The following THRB variants were observed in gnomAD, a reference collection of about 807,000 sequenced individuals.
The protein encoded by THRB is nuclear receptor subfamily 1 group A member 2.
A neutral mutation model predicts 47.8 loss-of-function variants in THRB; 12 were observed. That is an observed-to-expected ratio of 0.25 (90% CI 0.16 to 0.41). THRB has a LOEUF of 0.41. Among genes scored for constraint, THRB ranks in the 10% least tolerant of loss-of-function variants. THRB has a pLI of 1.00. For synonymous variants in THRB, 218 were observed against 212.2 expected (o/e 1.03, Z -0.24); for missense variants, 348 against 589.2 (o/e 0.59, Z 4.24).
At chr3:24,356,539 G>A (rs997466657) in intron 1 of THRB, among the ~76,000 whole-genome samples, 3 of 152,138 alleles carry the variant, frequency 2.0e-5, no homozygotes, top group East Asian at 1.9e-4. Flanking sequence ...AACTGGCAGT[G>A]TCTTTGCTAA....
intron 1 of THRB, among the ~76,000 whole-genome samples, chr3:24,473,932 A>T (rs1288970322): frequency 6.6e-6 from 1 of 152,186 alleles, no homozygotes; most frequent in Non-Finnish European, 1.5e-5. Context: ...GGAGGGGAAC[A>T]TCATACACTG....
chr3:24,422,749 T>A (rs2069388586), intron 1 of THRB, among the ~76,000 whole-genome samples: 1 of 151,800 alleles, frequency 6.6e-6, no homozygotes, highest in African/African-American at 2.4e-5. Flanking sequence ...ATCAACCTCC[T>A]CCAGAATCCA....
intron 9 of THRB, among the ~76,000 whole-genome samples, chr3:24,133,041 TG>T (rs2034112539): frequency 1.3e-5 from 2 of 152,266 alleles, no homozygotes; most frequent in African/African-American, 4.8e-5. Context: ...GCAGAATAAA[TG>T]GAATCTATTG....
intron 1 of THRB, among the ~76,000 whole-genome samples, chr3:24,401,306 A>G (rs2067381074): frequency 6.6e-6 from 1 of 152,082 alleles, no homozygotes; most frequent in Admixed American, 6.6e-5. Context: ...AGGAAAAGAA[A>G]CAGCTTTTTC....
intron 1 of THRB, among the ~76,000 whole-genome samples, chr3:24,358,080 C>G (rs62255388): frequency 0.012 from 1,753 of 152,202 alleles, 7 homozygotes; most frequent in Non-Finnish European, 0.018. Flanking sequence ...TGACTGGTTC[C>G]TGGTAGATGT....
At chr3:24,463,739 A>C (rs577270551) in intron 1 of THRB, among the ~76,000 whole-genome samples, 11 of 152,344 alleles carry the variant, frequency 7.2e-5, no homozygotes, top group Non-Finnish European at 1.6e-4. Context: ...ATGGTAGACA[A>C]ACTATTTCCC....
At position 24,190,282 on chromosome 3, in the gene THRB, G is replaced by T. The variant is rs760778175; in HGVS notation, c.75C>A (p.His25Gln). The T allele has an allele frequency of 1.2e-6, 2 of 1,614,026 alleles. No homozygotes were observed. Among genetic ancestry groups the T allele is most frequent in the South Asian group, 2.2e-5 (2 of 91,076 alleles). Residue 25 changes from histidine to glutamine, a missense_variant, in exon 5 of 11, where the codon CAC becomes CAA. Physicochemically the swap from His to Gln is conservative, Grantham distance 24. Coordinates refer to ENST00000646209, the MANE Select transcript of THRB (RefSeq NM_001354712.2). The part of the protein sequence containing the change: ...DKPKHCPDRE[H>Q]DWKLVGMSEA... ...CAGACATTCCTACTAGCTTCCAGTC[G>T]TGTTCTCGGTCTGGACAGTGCTTCG...
chr3:24,202,995 G>C (rs141718104), intron 4 of THRB, among the ~76,000 whole-genome samples: 39 of 152,308 alleles, frequency 2.6e-4, no homozygotes, highest in Admixed American at 6.5e-4. Context: ...GGGAACTCTT[G>C]TAATTACTAT....
intron 1 of THRB, among the ~76,000 whole-genome samples, chr3:24,409,002 C>A (rs1004741719): frequency 2.0e-5 from 3 of 151,668 alleles, no homozygotes; most frequent in African/African-American, 7.3e-5. Flanking sequence ...GTATTTCATT[C>A]TTATGGTTTA....
intron 1 of THRB, among the ~76,000 whole-genome samples, chr3:24,358,419 G>C (rs1311809176): frequency 6.6e-6 from 1 of 152,028 alleles, no homozygotes; most frequent in African/African-American, 2.4e-5. Flanking sequence ...TTTTATGTTG[G>C]AGTCTTTGAT....
chr3:24,171,486 C>T (rs577641302), intron 5 of THRB, among the ~76,000 whole-genome samples: 127 of 152,264 alleles, frequency 8.3e-4, no homozygotes, highest in African/African-American at 2.9e-3. Flanking sequence ...AACTTCTGAG[C>T]TATGCATTCC....
intron 3 of THRB, among the ~76,000 whole-genome samples, chr3:24,294,963 G>T (rs1349402432): frequency 2.6e-5 from 4 of 152,196 alleles, no homozygotes; most frequent in African/African-American, 7.2e-5. Flanking sequence ...TCACTGAAAT[G>T]TAAGAAATCA....
rs375849592 is a variant in THRB at position 24,313,246 on chromosome 3, G to A, written c.-188-15875C>T. 2.8e-4 allele frequency among the ~76,000 whole-genome samples: 43 copies of A among 152,162 alleles called. 1 individual carries two copies. The South Asian group carries it at 7.7e-3, about 27-fold the overall frequency. ...CTTCTCTCTTTCCTCTCAACCACTC[G>A]GGAAATCATTGTCTGCACCACTCAT... On this transcript the variant is annotated intron_variant, in intron 2 of 10. Coordinates refer to ENST00000646209, the MANE Select transcript of THRB (RefSeq NM_001354712.2).
At chr3:24,220,100 T>G (rs891000645) in intron 4 of THRB, among the ~76,000 whole-genome samples, 7 of 152,198 alleles carry the variant, frequency 4.6e-5, no homozygotes, top group Non-Finnish European at 1.0e-4. Flanking sequence ...ACTTTAGAAT[T>G]ACCTGGACAG....
intron 8 of THRB, among the ~76,000 whole-genome samples, chr3:24,135,841 ATATAT>A (rs1559422377): frequency 8.5e-6 from 1 of 118,014 alleles, no homozygotes; most frequent in East Asian, 3.0e-4. Flanking sequence ...ATATATATAT[ATATAT>A]AATACATAAA....
chr3:24,129,364 C>T (rs970378232), intron 9 of THRB, among the ~76,000 whole-genome samples: 1 of 152,170 alleles, frequency 6.6e-6, no homozygotes, highest in African/African-American at 2.4e-5. Flanking sequence ...CATAGAACAG[C>T]AACAAGAAGT....
intron 1 of THRB, among the ~76,000 whole-genome samples, chr3:24,493,642 T>C (rs1345796545): frequency 6.6e-6 from 1 of 152,256 alleles, no homozygotes; most frequent in Admixed American, 6.5e-5. Context: ...ATGGAGAATC[T>C]GAACTTGGCT....
intron 1 of THRB, among the ~76,000 whole-genome samples, chr3:24,349,382 A>G (rs533982707): frequency 6.6e-6 from 1 of 152,214 alleles, no homozygotes; most frequent in South Asian, 2.1e-4. Context: ...GTGAAATAGC[A>G]ATGAGCCAAG....
intron 2 of THRB, among the ~76,000 whole-genome samples, chr3:24,305,906 CT>C (rs1232460810): frequency 2.6e-5 from 4 of 152,174 alleles, no homozygotes; most frequent in South Asian, 4.1e-4. Context: ...CTTCTTAGAA[CT>C]TTTTTTCCAA....
Sources: allele counts gnomAD v4.1 joint callset (sites outside exome capture counted in the v4.1 genomes callset), GRCh38; gene constraint gnomAD v4.1.1; transcripts MANE v1.5; gene names NCBI Gene and HGNC (gene_info 2026-07-23, HGNC 2026-07-21).